The following STAT1 variants were observed in gnomAD, a reference collection of about 807,000 sequenced individuals.
The protein encoded by STAT1 is signal transducer and activator of transcription 1-alpha/beta.
In STAT1, 24 loss-of-function variants were observed where a neutral mutation model predicts 111.7. The ratio of observed to expected loss-of-function variants is 0.21; its 90% confidence interval spans 0.16 to 0.30. STAT1 has a LOEUF of 0.30. Among genes scored for constraint, STAT1 ranks in the 10% least tolerant of loss-of-function variants. The pLI is 1.00. For synonymous variants in STAT1, 332 were observed against 326.5 expected, an observed-to-expected ratio of 1.02 and a Z score of -0.18; for missense variants, 351 against 911.9, an observed-to-expected ratio of 0.38 and a Z score of 7.92.
At position 190,969,394 on chromosome 2, in the gene STAT1, T is replaced by C. The variant is rs1354581153; in HGVS notation, c.*1309A>G. On this transcript the variant is annotated 3_prime_UTR_variant, in exon 25 of 25. Coordinates refer to ENST00000361099, the MANE Select transcript of STAT1 (RefSeq NM_007315.4). ...ACCAAAGAAGAATACAGCATTTGCA[T>C]GATAATATAGTTGTGGTAGCAGTAG... 6.6e-6 allele frequency: 1 copy of C among 152,134 alleles called. No homozygotes were observed. The highest frequency in any genetic ancestry group is 1.5e-5 in the Non-Finnish European group (1 of 67,992). The allele number at this position is 152,134 out of a possible 1,614,324, so 9.4% of individuals were successfully genotyped here.
In STAT1 at chr2:190,987,399, C is replaced by CTG. The variant is rs1692939221; in HGVS notation, c.1098-332_1098-331insCA. Among the ~76,000 whole-genome samples, 1 of 152,130 alleles carries CTG rather than the reference C, an allele frequency of 6.6e-6. No individual in the cohort carries two copies. Among genetic ancestry groups the CTG allele is most frequent in the Non-Finnish European group, 1.5e-5 (1 of 68,024 alleles). Reference sequence around the variant, plus strand: ...GTACACCCTCAATAAATGTAAGCACCAGCACCAGTACACCCTCAATAAATG... The same window carrying CTG: ...GTACACCCTCAATAAATGTAAGCACCTGAGCACCAGTACACCCTCAATAAATG... On this transcript the variant is annotated intron_variant, in intron 12 of 24. Coordinates refer to ENST00000361099, the MANE Select transcript of STAT1 (RefSeq NM_007315.4). The surrounding 1 kb of genome is among the most constrained non-coding windows in gnomAD (Gnocchi z 4.0).
Position 190,993,086 on chromosome 2 carries a change from G to C in STAT1, c.945-1766C>G, listed in dbSNP as rs1243078542. The C allele has an allele frequency of 2.6e-6, 1 of 377,590 alleles. No individual in the cohort carries two copies. Among genetic ancestry groups the C allele is most frequent in the African/African-American group, 2.1e-5 (1 of 47,036 alleles). The allele number at this position is 377,590 out of a possible 1,614,324, so 23.4% of individuals were successfully genotyped here. A position where few individuals can be genotyped will look rare whatever the true frequency, so the allele number is the denominator to read the frequency against. On this transcript the variant is annotated intron_variant, in intron 10 of 24. Coordinates refer to ENST00000361099, the MANE Select transcript of STAT1 (RefSeq NM_007315.4). The surrounding 1 kb of genome is among the most constrained non-coding windows in gnomAD (Gnocchi z 4.1). The stretch of plus-strand genomic sequence containing the variant: ...ATTACAGGCATGAGCCACCGTGCCG[G>C]GCCTTGTTGCATTCCTAGCACTAGT...
At position 191,007,515 on chromosome 2, in the gene STAT1, T is replaced by C. The variant is rs767061321; in HGVS notation, c.372+48A>G. ...GCCCTAATAGTATTTGATGAATGAA[T>C]ACATTTTTATTTTATTACAGTTTAT... On this transcript the variant is annotated intron_variant, in intron 5 of 24. Coordinates refer to ENST00000361099, the MANE Select transcript of STAT1 (RefSeq NM_007315.4). This position sits in a 1 kb window ranked among gnomAD's most constrained non-coding sequence, Gnocchi z 4.2. The C allele has an allele frequency of 2.9e-6, 4 of 1,375,482 alleles. No individual in the cohort carries two copies. The highest frequency in any genetic ancestry group is 4.1e-6 in the Non-Finnish European group (4 of 965,518). 85.2% of individuals were successfully genotyped at this position (1,375,482 alleles called of 1,614,324 possible).
chr2:191,000,929 T>C lies in STAT1; in HGVS notation c.462+145A>G. ...CATTGATTTTGCCAATTTGTTTACT[T>C]ATAGCTTGAGACTTCTGCAAAATTT... On this transcript the variant is annotated intron_variant, in intron 6 of 24. Coordinates refer to ENST00000361099, the MANE Select transcript of STAT1 (RefSeq NM_007315.4). The surrounding 1 kb of genome is among the most constrained non-coding windows in gnomAD (Gnocchi z 4.8). 1 of 697,072 alleles carries C rather than the reference T, an allele frequency of 1.4e-6. No individual in the cohort carries two copies. The highest frequency in any genetic ancestry group is 2.8e-5 in the East Asian group (1 of 36,230). 43.2% of individuals were successfully genotyped at this position (697,072 alleles called of 1,614,324 possible). A position where few individuals can be genotyped will look rare whatever the true frequency, so the allele number is the denominator to read the frequency against.
At chr2:190,972,378 C>T (rs1691557279) in intron 24 of STAT1, among the ~76,000 whole-genome samples, 1 of 152,178 alleles carries the variant, frequency 6.6e-6, no homozygotes, top group Admixed American at 6.5e-5. Context: ...ACAGGAAATC[C>T]AGACTAAACA....
intron 10 of STAT1, among the ~76,000 whole-genome samples, chr2:190,994,024 G>A (rs765773593): frequency 4.6e-5 from 7 of 152,220 alleles, no homozygotes; most frequent in African/African-American, 9.6e-5. Context: ...AACGAAGGGT[G>A]ACTGTAGGCC....
At chr2:191,005,226 C>A (rs1435607226) in intron 5 of STAT1, among the ~76,000 whole-genome samples, 1 of 152,148 alleles carries the variant, frequency 6.6e-6, no homozygotes, top group East Asian at 1.9e-4. Flanking sequence ...TCATGGATGG[C>A]CTTGTTTCAT....
intron 5 of STAT1, among the ~76,000 whole-genome samples, chr2:191,005,543 A>C (rs2125091320): frequency 6.6e-6 from 1 of 152,366 alleles, no homozygotes; most frequent in East Asian, 1.9e-4. Context: ...TTCATATTGT[A>C]CAGGTTTGTA....
rs368406916 is a variant in STAT1, at chr2:191,004,952, G to T, written c.372+2611C>A. Among the ~76,000 whole-genome samples, 1 of 151,648 alleles carries T rather than the reference G, an allele frequency of 6.6e-6. No homozygotes were observed. The highest frequency in any genetic ancestry group is 1.5e-5 in the Non-Finnish European group (1 of 67,750). On this transcript the variant is annotated intron_variant, in intron 5 of 24. Coordinates refer to ENST00000361099, the MANE Select transcript of STAT1 (RefSeq NM_007315.4). The surrounding 1 kb of genome is among the most constrained non-coding windows in gnomAD (Gnocchi z 5.0). ...AGCTTTTTCACCACAAAGAAAAAAAGAAAGAAAAAAACTTAGTGTGCTGTA... is the reference window on the plus strand; with the variant it reads ...AGCTTTTTCACCACAAAGAAAAAAATAAAGAAAAAAACTTAGTGTGCTGTA...
Position 191,004,975 on chromosome 2 carries a change from G to C in STAT1, c.372+2588C>G, listed in dbSNP as rs946081419. Among the ~76,000 whole-genome samples the C allele has an allele frequency of 3.9e-5, 6 of 152,132 alleles. No homozygotes were observed. The highest frequency in any genetic ancestry group is 8.8e-5 in the Non-Finnish European group (6 of 68,012). On this transcript the variant is annotated intron_variant, in intron 5 of 24. Transcript: ENST00000361099. This position sits in a 1 kb window ranked among gnomAD's most constrained non-coding sequence, Gnocchi z 5.0. ...AAGAAAGAAAAAAACTTAGTGTGCT[G>C]TAAGACAGCACACGAAACATTTATA... is the stretch of plus-strand genomic sequence containing the variant.
In STAT1 at chr2:190,978,200, C is replaced by A. The variant is rs9789428; in HGVS notation, c.1873+656G>T. ...TTTTCCTCCTGCCCTTCAAACAGAC[C>A]AAACTCTAAACAACAGTGAAAAGTA... On this transcript the variant is annotated intron_variant, in intron 21 of 24. Coordinates refer to ENST00000361099, the MANE Select transcript of STAT1 (RefSeq NM_007315.4). This position sits in a 1 kb window ranked among gnomAD's most constrained non-coding sequence, Gnocchi z 6.1. Among the ~76,000 whole-genome samples the A allele has an allele frequency of 5.7e-3, 873 of 152,232 alleles. 22 individuals carry two copies. The highest frequency in any genetic ancestry group is 0.052 in the East Asian group (267 of 5,178).
chr2:191,010,482 A>C, intron 2 of STAT1: 1 of 384,346 alleles, frequency 2.6e-6, no homozygotes, highest in South Asian at 2.0e-5. Flanking sequence ...GTAGGTATCC[A>C]ATAAATATGC....
At position 190,979,060 on chromosome 2, in the gene STAT1, T is replaced by A; in HGVS notation, c.1728-59A>T. On this transcript the variant is annotated intron_variant, in intron 20 of 24. Transcript: ENST00000361099. This position sits in a 1 kb window ranked among gnomAD's most constrained non-coding sequence, Gnocchi z 5.8. ...AGTTCAATCATGATTTCCATTTTCA[T>A]GCTAACTTACAAACCAAGAAAATGG... The A allele has an allele frequency of 6.2e-7, 1 of 1,608,406 alleles. No homozygotes were observed. The highest frequency in any genetic ancestry group is 1.3e-5 in the African/African-American group (1 of 74,902).
chr2:190,989,345 G>A lies in STAT1; in HGVS notation c.1097+270C>T, dbSNP rs544045464. 6.6e-6 allele frequency among the ~76,000 whole-genome samples: 1 copy of A among 152,338 alleles called. No homozygotes were observed. The highest frequency in any genetic ancestry group is 2.1e-4 in the South Asian group (1 of 4,828). ...AATGTTGATACCAGCTCCAGGGGAA[G>A]CTCCCAACATCCACCAAGGGAGCTG... On this transcript the variant is annotated intron_variant, in intron 12 of 24. Coordinates refer to ENST00000361099, the MANE Select transcript of STAT1 (RefSeq NM_007315.4). This position sits in a 1 kb window ranked among gnomAD's most constrained non-coding sequence, Gnocchi z 5.0.
At chr2:191,002,092 T>C (rs1451674125) in intron 5 of STAT1, among the ~76,000 whole-genome samples, 1 of 152,216 alleles carries the variant, frequency 6.6e-6, no homozygotes, top group African/African-American at 2.4e-5. Context: ...CTTTCCCTAT[T>C]GACATTACAT....
At position 190,970,466 on chromosome 2, in the gene STAT1, C is replaced by A. The variant is rs1204464083; in HGVS notation, c.*237G>T. 1 of 580,888 alleles carries A rather than the reference C, an allele frequency of 1.7e-6. No homozygotes were observed. The highest frequency in any genetic ancestry group is 3.1e-6 in the Non-Finnish European group (1 of 321,904). The allele number at this position is 580,888 out of a possible 1,614,324, so 36.0% of individuals were successfully genotyped here. A position where few individuals can be genotyped will look rare whatever the true frequency, so the allele number is the denominator to read the frequency against. ...ATCTGGATGTTTTTCACTTGTGAAACCCACTCTTCAGAGAATGCCTTTCAA... is the reference window on the plus strand; with the variant it reads ...ATCTGGATGTTTTTCACTTGTGAAAACCACTCTTCAGAGAATGCCTTTCAA... On this transcript the variant is annotated 3_prime_UTR_variant, in exon 25 of 25. Transcript: ENST00000361099. The surrounding 1 kb of genome is among the most constrained non-coding windows in gnomAD (Gnocchi z 5.4).
In STAT1 at chr2:190,975,969, G is replaced by T; in HGVS notation, c.2060-82C>A. ...ACATCAACTTTTCGGGGGGATTAAA[G>T]TTCTACTGTGTTTCTAGACAGCTTA... On this transcript the variant is annotated intron_variant, in intron 22 of 24. Coordinates refer to ENST00000361099, the MANE Select transcript of STAT1 (RefSeq NM_007315.4). This position sits in a 1 kb window ranked among gnomAD's most constrained non-coding sequence, Gnocchi z 5.9. 8.3e-7 allele frequency: 1 copy of T among 1,211,650 alleles called. No homozygotes were observed. The highest frequency in any genetic ancestry group is 1.2e-6 in the Non-Finnish European group (1 of 826,518). The allele number at this position is 1,211,650 out of a possible 1,614,324, so 75.1% of individuals were successfully genotyped here.
At chr2:191,002,509 T>C (rs1044351351) in intron 5 of STAT1, among the ~76,000 whole-genome samples, 9 of 152,246 alleles carry the variant, frequency 5.9e-5, no homozygotes, top group Non-Finnish European at 1.2e-4. Flanking sequence ...TTATTTTTCA[T>C]AAATTTCAGA....
chr2:190,980,794 A>T lies in STAT1; in HGVS notation c.1583-125T>A, dbSNP rs1391342821. ...AACACCCAACAAAGATTGTATGTAC[A>T]CAGTTGACATTTTCGGATACCTTAA... On this transcript the variant is annotated intron_variant, in intron 18 of 24. Transcript: ENST00000361099. This position sits in a 1 kb window ranked among gnomAD's most constrained non-coding sequence, Gnocchi z 6.1. The T allele has an allele frequency of 1.1e-6, 1 of 928,844 alleles. No individual in the cohort carries two copies. The highest frequency in any genetic ancestry group is 2.0e-5 in the Admixed American group (1 of 50,730). 57.5% of individuals were successfully genotyped at this position (928,844 alleles called of 1,614,324 possible).
Sources: gnomAD v4.1 joint callset for allele counts (sites outside exome capture counted in the v4.1 genomes callset) on GRCh38, gnomAD v4.1.1 for gene constraint, Gnocchi (gnomAD v3.1) non-coding constraint, MANE v1.5 for transcripts, NCBI Gene and HGNC (gene_info 2026-07-23, HGNC 2026-07-21) for gene names.